Variants in DPYS observed in about 807,000 individuals in gnomAD.
The protein encoded by DPYS is dihydropyrimidine amidohydrolase.
A neutral mutation model predicts 50.3 loss-of-function variants in DPYS; 39 were observed. The ratio of observed to expected loss-of-function variants is 0.78; its 90% CI spans 0.60 to 1.01. The LOEUF (loss-of-function observed/expected upper bound fraction) is 1.01. DPYS is among the 50% of genes least tolerant of loss of function. The pLI is 0.00. For synonymous variants in DPYS, 245 were observed against 250.7 expected (o/e 0.98, Z 0.22); for missense variants, 659 against 680.9 (o/e 0.97, Z 0.36).
Position 104,466,953 on chromosome 8 carries a change from G to A in DPYS, c.-33C>T. The A allele has an allele frequency of 7.1e-7, 1 of 1,399,810 alleles. No homozygotes were observed. The highest frequency in any genetic ancestry group is 9.2e-7 in the Non-Finnish European group (1 of 1,081,420). 86.7% of individuals were successfully genotyped at this position (1,399,810 alleles called of 1,614,324 possible). A position where few individuals can be genotyped will look rare whatever the true frequency, so the allele number is the denominator to read the frequency against. ...GGCGCGCGGGGTCCTACTCGGCCCGGGCTGCGCGCAGGGGCTGGGTTGGGC... is the reference window on the plus strand; with the variant it reads ...GGCGCGCGGGGTCCTACTCGGCCCGAGCTGCGCGCAGGGGCTGGGTTGGGC... On this transcript the variant is annotated 5_prime_UTR_variant, in exon 1 of 10. Transcript: ENST00000351513.
At chr8:104,438,866 T>C (rs534161657) in intron 4 of DPYS, among the ~76,000 whole-genome samples, 221 of 152,154 alleles carry the variant, frequency 1.5e-3, no homozygotes, top group African/African-American at 4.9e-3. Context: ...GAGGTTAGCC[T>C]GAGACCAGCC....
At chr8:104,457,889 T>G (rs1276050501) in intron 1 of DPYS, among the ~76,000 whole-genome samples, 6 of 152,140 alleles carry the variant, frequency 3.9e-5, no homozygotes, top group African/African-American at 1.4e-4. Flanking sequence ...ACTTCTCTTC[T>G]TCCCTGTATC....
intron 1 of DPYS, among the ~76,000 whole-genome samples, chr8:104,461,300 A>AAAATAAAATC (rs1814156941): frequency 3.4e-5 from 5 of 146,726 alleles, no homozygotes. Flanking sequence ...TCAATAAAAT[A>AAAATAAAATC]AAATAAAATA....
At chr8:104,404,175 A>G (rs1021415580) in intron 7 of DPYS, among the ~76,000 whole-genome samples, 9 of 152,148 alleles carry the variant, frequency 5.9e-5, no homozygotes, top group Non-Finnish European at 1.2e-4. Flanking sequence ...TGAGAACACT[A>G]AGGCTGAATG....
intron 2 of DPYS, among the ~76,000 whole-genome samples, chr8:104,449,610 T>C (rs1049594755): frequency 2.0e-5 from 3 of 152,196 alleles, no homozygotes; most frequent in Non-Finnish European, 4.4e-5. Context: ...TTAGTTAAGA[T>C]GAGGACACGA....
intron 7 of DPYS, among the ~76,000 whole-genome samples, chr8:104,398,014 A>C (rs576084004): frequency 6.6e-6 from 1 of 152,268 alleles, no homozygotes; most frequent in Admixed American, 6.5e-5. Flanking sequence ...GATGTGGTCC[A>C]TTATTGGAAC....
intron 5 of DPYS, chr8:104,429,247 G>T (rs1812860776): frequency 2.6e-6 from 1 of 379,956 alleles, no homozygotes; most frequent in Non-Finnish European, 4.9e-6. Context: ...CTGATAAAAA[G>T]TAAGGTGTAA....
intron 8 of DPYS, among the ~76,000 whole-genome samples, chr8:104,388,476 C>T (rs575557562): frequency 6.6e-6 from 1 of 152,248 alleles, no homozygotes; most frequent in East Asian, 1.9e-4. Flanking sequence ...GAAACGTAAT[C>T]CATTTTAACT....
chr8:104,392,834 G>A lies in DPYS; in HGVS notation c.1393C>T (p.Arg465Ter), dbSNP rs201280871. 42 of 1,614,106 alleles carry A rather than the reference G, an allele frequency of 2.6e-5. No homozygotes were observed. The East Asian group carries it at 5.1e-4, about 20-fold the overall frequency. Residue 465 changes from arginine (R) to a stop codon, truncating the protein, a stop_gained, in exon 8 of 10, where the codon CGA becomes TGA. Coordinates refer to ENST00000351513, the MANE Select transcript of DPYS (RefSeq NM_001385.3). LOFTEE classifies it high-confidence loss of function. Reference protein sequence around the residue: ...VTAGDGKFIPRKPFAEYIYKR... With the variant: ...VTAGDGKFIP Reference sequence around the variant, plus strand: ...TAAATATATTCAGCAAATGGTTTTCGAGGAATAAACTTCCCATCTCCTGCC... The same window carrying A: ...TAAATATATTCAGCAAATGGTTTTCAAGGAATAAACTTCCCATCTCCTGCC...
intron 9 of DPYS, 72 bp from the exon 10 acceptor site, chr8:104,379,915 C>T (rs1810976740): frequency 2.2e-6 from 1 of 446,434 alleles, no homozygotes; most frequent in African/African-American, 2.0e-5. Context: ...AAACCTAACC[C>T]CCAAGAAATG....
At chr8:104,439,459 C>G (rs1210836543) in intron 4 of DPYS, among the ~76,000 whole-genome samples, 1 of 151,974 alleles carries the variant, frequency 6.6e-6, no homozygotes, top group East Asian at 1.9e-4. Context: ...ATGCCAAAAC[C>G]CAAAAACCAA....
intron 7 of DPYS, chr8:104,419,107 C>T (rs1812469052): frequency 7.2e-6 from 7 of 974,800 alleles, no homozygotes; most frequent in Non-Finnish European, 8.5e-6. Context: ...AGTTCTTCCT[C>T]CTCTCCTTGG....
chr8:104,457,688 C>T (rs1813976283), intron 1 of DPYS, among the ~76,000 whole-genome samples: 1 of 152,206 alleles, frequency 6.6e-6, no homozygotes, highest in African/African-American at 2.4e-5. Context: ...CTAGCTCTCT[C>T]ACAATCACTG....
intron 1 of DPYS, among the ~76,000 whole-genome samples, chr8:104,462,207 G>T (rs1237675738): frequency 6.6e-6 from 1 of 152,072 alleles, no homozygotes; most frequent in Non-Finnish European, 1.5e-5. Context: ...ACAAGAAAAT[G>T]CTGACAATCC....
chr8:104,392,860 G>A lies in DPYS; in HGVS notation c.1367C>T (p.Thr456Met), dbSNP rs113309169. The A allele has an allele frequency of 1.0e-4, 164 of 1,614,156 alleles. 1 individual carries two copies. Among genetic ancestry groups the A allele is most frequent in the Middle Eastern group, 3.3e-4 (2 of 6,062 alleles). ...AGGAATAAACTTCCCATCTCCTGCC[G>A]TGACACTGAACACTCCGGCTTCATA... Reference protein sequence around the residue: ...VVYEAGVFSVTAGDGKFIPRK... With the variant: ...VVYEAGVFSVMAGDGKFIPRK... The change falls in exon 8 of 10, where the codon ACG becomes ATG. Residue 456 changes from threonine to methionine, a missense_variant. Physicochemically the swap from Thr to Met is moderately conservative, Grantham distance 81. Coordinates refer to ENST00000351513, the MANE Select transcript of DPYS (RefSeq NM_001385.3).
chr8:104,409,253 G>C (rs192397479), intron 7 of DPYS, among the ~76,000 whole-genome samples: 1,761 of 152,020 alleles, frequency 0.012, 21 homozygotes, highest in Non-Finnish European at 0.017. Flanking sequence ...GGGAGGCCGA[G>C]GTGGGCGGAT....
chr8:104,465,972 G>A (rs1311352520), intron 1 of DPYS, among the ~76,000 whole-genome samples: 5 of 151,752 alleles, frequency 3.3e-5, no homozygotes, highest in Non-Finnish European at 7.4e-5. Context: ...CCTGCTGCGA[G>A]GCTGCGTTGG....
intron 7 of DPYS, among the ~76,000 whole-genome samples, chr8:104,405,267 A>G (rs1811957392): frequency 6.6e-6 from 1 of 152,158 alleles, no homozygotes; most frequent in African/African-American, 2.4e-5. Context: ...GAAAACAGAG[A>G]CTTAGAGAGC....
chr8:104,384,236 C>T (rs1329025476), intron 8 of DPYS, among the ~76,000 whole-genome samples: 5 of 152,222 alleles, frequency 3.3e-5, no homozygotes, highest in African/African-American at 1.2e-4. Flanking sequence ...AAATCAAAGA[C>T]AACTTAAGTT....
Sources: allele counts gnomAD v4.1 joint callset (sites outside exome capture counted in the v4.1 genomes callset), GRCh38; gene constraint gnomAD v4.1.1; transcripts MANE v1.5; gene names NCBI Gene and HGNC (gene_info 2026-07-23, HGNC 2026-07-21).